The following EHBP1L1 variants were observed in gnomAD, a reference collection of about 807,000 sequenced individuals.
The protein encoded by EHBP1L1 is EH domain-binding protein 1-like protein 1.
EHBP1L1 carries 122 observed loss-of-function variants against 151.1 expected under a neutral mutation model. The observed-to-expected ratio is 0.81, with a 90% CI of 0.70 to 0.94. The LOEUF is 0.94. Among genes scored for constraint, EHBP1L1 ranks in the 40% least tolerant of loss-of-function variants. The probability of loss-of-function intolerance (pLI) is 0.00; values close to 1 mark genes in which losing one functional copy is unlikely to be tolerated. For synonymous variants in EHBP1L1, 878 were observed against 810.1 expected (o/e 1.08, Z -1.42); for missense variants, 1,941 against 1,959.8 (o/e 0.99, Z 0.18).
chr11:65,576,490 C>G (rs1306449907), intron 1 of EHBP1L1, 84 bp downstream of exon 1: 7 of 1,290,870 alleles, frequency 5.4e-6, no homozygotes, highest in African/African-American at 3.0e-5. Context: ...CTCTGCCCCC[C>G]CAGCCCAATG....
intron 12 of EHBP1L1, 118 bp from the exon 13 acceptor site, chr11:65,589,633 G>C: frequency 7.1e-7 from 1 of 1,414,280 alleles, no homozygotes. Context: ...AGGGGCAGGG[G>C]CGGGCAGGAG....
At chr11:65,579,201 T>C (rs1857469507) in intron 2 of EHBP1L1, 66 bp downstream of exon 2, 1 of 1,523,274 alleles carries the variant, frequency 6.6e-7, no homozygotes, top group Non-Finnish European at 8.9e-7. Context: ...TGATGGGGGC[T>C]GATGGGGGAG....
At chr11:65,584,153 C>A in intron 9 of EHBP1L1, 88 bp from the exon 10 acceptor site, 1 of 1,541,166 alleles carries the variant, frequency 6.5e-7, no homozygotes, top group South Asian at 1.2e-5. Context: ...AGAGATGGGG[C>A]TGTTGTGTGC....
rs761842924 is a variant in EHBP1L1, at chr11:65,585,084, C to T, written c.3426C>T (p.Thr1142=). ...TGTGCCAGATCCGCGCCTTCTGCAC[C>T]GGGCAGGAGCTGCAGCTGGTACAAC... ...TYLCQIRAFC[T]GQELQLVQLE... is the part of the protein sequence containing the mutation. The change falls in exon 12 of 19, where the codon ACC becomes ACT. Residue 1142 remains threonine (T), a synonymous_variant. Coordinates refer to ENST00000309295, the MANE Select transcript of EHBP1L1 (RefSeq NM_001099409.3). This position sits in a 1 kb window ranked among gnomAD's most constrained non-coding sequence, Gnocchi z 4.0. The T allele has an allele frequency of 4.6e-6, 7 of 1,535,650 alleles. No individual in the cohort carries two copies. Among genetic ancestry groups the T allele is most frequent in the African/African-American group, 2.8e-5 (2 of 72,056 alleles).
At position 65,585,689 on chromosome 11, in the gene EHBP1L1, A is replaced by C. The variant is rs1008941892; in HGVS notation, c.3933+98A>C. 2.0e-6 allele frequency: 3 copies of C among 1,490,568 alleles called. No individual in the cohort carries two copies. The allele number at this position is 1,490,568 out of a possible 1,614,324, so 92.3% of individuals were successfully genotyped here. A position where few individuals can be genotyped will look rare whatever the true frequency, so the allele number is the denominator to read the frequency against. ...AGCCCCCAAGGGGCCCCAAGGACAGAGCTGGCGCGAGGGTGACGGTTTCAG... is the reference window on the plus strand; with the variant it reads ...AGCCCCCAAGGGGCCCCAAGGACAGCGCTGGCGCGAGGGTGACGGTTTCAG... On this transcript the variant is annotated intron_variant, in intron 12 of 18. Coordinates refer to ENST00000309295, the MANE Select transcript of EHBP1L1 (RefSeq NM_001099409.3). The surrounding 1 kb of genome is among the most constrained non-coding windows in gnomAD (Gnocchi z 4.0).
intron 11 of EHBP1L1, 79 bp from the exon 12 acceptor site, chr11:65,584,880 C>T: frequency 1.3e-6 from 2 of 1,493,066 alleles, no homozygotes; most frequent in South Asian, 2.5e-5. Context: ...CGGGGACCCC[C>T]TCCGTGGGGC....
At position 65,581,792 on chromosome 11, in the gene EHBP1L1, CAG is replaced by C. The variant is rs1857624635; in HGVS notation, c.1124_1125del (p.Arg375ThrfsTer4). ...AGGTTCTGGAGACCCTTTTGGAAGG[CAG>C]AGACTCAAGGCTGAAGAGATGGACA... ...DKGSGDPFGR[Q>X]RLKAEEMDTE... On this transcript the variant is annotated frameshift_variant, in exon 9 of 19. Coordinates refer to ENST00000309295, the MANE Select transcript of EHBP1L1 (RefSeq NM_001099409.3). LOFTEE classifies it high-confidence loss of function. 6.2e-7 allele frequency: 1 copy of C among 1,613,298 alleles called. No individual in the cohort carries two copies. Among genetic ancestry groups the C allele is most frequent in the Non-Finnish European group, 8.5e-7 (1 of 1,179,646 alleles).
chr11:65,580,977 T>C, intron 6 of EHBP1L1, 81 bp from the exon 7 acceptor site: 1 of 1,521,032 alleles, frequency 6.6e-7, no homozygotes, highest in Non-Finnish European at 8.8e-7. Context: ...GGACCTGCAC[T>C]GTAGTTGGGG....
chr11:65,592,255 A>T lies in EHBP1L1; in HGVS notation c.4525A>T (p.Lys1509Ter), dbSNP rs2135343809. The T allele has an allele frequency of 6.5e-7, 1 of 1,533,152 alleles. No homozygotes were observed. The highest frequency in any genetic ancestry group is 1.4e-5 in the African/African-American group (1 of 72,986). 95.0% of individuals were successfully genotyped at this position (1,533,152 alleles called of 1,614,324 possible). Residue 1509 changes from lysine to a stop codon, truncating the protein, a stop_gained, in exon 19 of 19, where the codon AAG (lysine) becomes TAG (stop). Transcript: ENST00000309295. LOFTEE classifies it high-confidence loss of function. Reference sequence around the variant, plus strand: ...GCGCGGCCTGGAACAGCGGCGCCGCAAGCTGAGCCGGCAGTTGAGCCGGCG... The same window carrying T: ...GCGCGGCCTGGAACAGCGGCGCCGCTAGCTGAGCCGGCAGTTGAGCCGGCG... ...LERGLEQRRRKLSRQLSRRER... is the reference protein window; with the variant it reads ...LERGLEQRRR
intron 12 of EHBP1L1, among the ~76,000 whole-genome samples, chr11:65,587,201 C>T (rs1264848749): frequency 2.0e-5 from 3 of 152,134 alleles, no homozygotes; most frequent in East Asian, 3.8e-4. Context: ...GGTGAAACCC[C>T]GTCTCTAATA....
chr11:65,589,872 G>T, intron 13 of EHBP1L1, 52 bp downstream of exon 13: 1 of 1,539,320 alleles, frequency 6.5e-7, no homozygotes, highest in African/African-American at 1.4e-5. Context: ...ACAAAGCCTG[G>T]ACTGGGGACT....
chr11:65,579,280 A>G lies in EHBP1L1; in HGVS notation c.163-61A>G, dbSNP rs1047566185. On this transcript the variant is annotated intron_variant, in intron 2 of 18. Transcript: ENST00000309295. ...GGAAGATGGTGTCAAGGTTGGTGAT[A>G]GGGGGTGCAGGTGGGAGGGAAGAGT... 34 of 1,427,214 alleles carry G rather than the reference A, an allele frequency of 2.4e-5. No homozygotes were observed. In the East Asian group the frequency reaches 4.8e-4, roughly 20 times the overall value. The allele number at this position is 1,427,214 out of a possible 1,614,324, so 88.4% of individuals were successfully genotyped here. A position where few individuals can be genotyped will look rare whatever the true frequency, so the allele number is the denominator to read the frequency against.
At chr11:65,580,595 C>A (rs1313456246) in intron 6 of EHBP1L1, 116 bp downstream of exon 6, 3 of 1,350,256 alleles carry the variant, frequency 2.2e-6, no homozygotes, top group Admixed American at 2.3e-5. Context: ...ACTGCCCAGG[C>A]AGTCCCAACC....
intron 16 of EHBP1L1, 129 bp from the exon 17 acceptor site, chr11:65,591,671 C>G: frequency 1.3e-6 from 1 of 757,940 alleles, no homozygotes; most frequent in South Asian, 1.5e-5. Context: ...CTGCGGTCAG[C>G]CCTGCCCTCG....
At chr11:65,579,031 G>T in intron 1 of EHBP1L1, 47 bp from the exon 2 acceptor site, 1 of 1,541,376 alleles carries the variant, frequency 6.5e-7, no homozygotes, top group South Asian at 1.2e-5. Flanking sequence ...AGGTGAGCCT[G>T]ACCAAGCAGC....
chr11:65,585,718 G>T lies in EHBP1L1; in HGVS notation c.3933+127G>T, dbSNP rs541033982. Reference sequence around the variant, plus strand: ...GGCGCGAGGGTGACGGTTTCAGAGTGGCGGGGCTCGGCTGGACCCAGGAGG... The same window carrying T: ...GGCGCGAGGGTGACGGTTTCAGAGTTGCGGGGCTCGGCTGGACCCAGGAGG... On this transcript the variant is annotated intron_variant, in intron 12 of 18. Transcript: ENST00000309295. This position sits in a 1 kb window ranked among gnomAD's most constrained non-coding sequence, Gnocchi z 4.0. 1 of 1,421,728 alleles carries T rather than the reference G, an allele frequency of 7.0e-7. No homozygotes were observed. The highest frequency in any genetic ancestry group is 2.4e-5 in the Admixed American group (1 of 42,332). 88.1% of individuals were successfully genotyped at this position (1,421,728 alleles called of 1,614,324 possible).
In EHBP1L1 at chr11:65,579,359, G is replaced by C; in HGVS notation, c.181G>C (p.Gly61Arg). 6.4e-7 allele frequency: 1 copy of C among 1,569,120 alleles called. No homozygotes were observed. Among genetic ancestry groups the C allele is most frequent in the African/African-American group, 1.3e-5 (1 of 74,216 alleles). Residue 61 changes from glycine to arginine, a missense_variant, in exon 3 of 19, where the codon GGC (glycine) becomes CGC (arginine). Coordinates refer to ENST00000309295, the MANE Select transcript of EHBP1L1 (RefSeq NM_001099409.3). Reference sequence around the variant, plus strand: ...CTTGTAGGCCCACAGCTGGCAGCCGGGCATCCAGAACCCATACCGGGGCAC... The same window carrying C: ...CTTGTAGGCCCACAGCTGGCAGCCGCGCATCCAGAACCCATACCGGGGCAC... ...ICSKAHSWQPGIQNPYRGTVV... is the reference protein window; with the variant it reads ...ICSKAHSWQPRIQNPYRGTVV...
chr11:65,591,575 G>T (rs1251450145), intron 16 of EHBP1L1: 2 of 608,682 alleles, frequency 3.3e-6, no homozygotes, highest in South Asian at 1.9e-5. Flanking sequence ...CTTCTGGGGG[G>T]TGTGTGGGAG....
chr11:65,590,073 T>C lies in EHBP1L1; in HGVS notation c.4060-14T>C. The C allele has an allele frequency of 6.2e-7, 1 of 1,613,506 alleles. No individual in the cohort carries two copies. Among genetic ancestry groups the C allele is most frequent in the Non-Finnish European group, 8.5e-7 (1 of 1,179,668 alleles). ...GGCTGAGTCCACCCTGTTCTCTGCC[T>C]TTTCCACCCCCAGCAACGGTTCCAG... On this transcript the variant is annotated splice_polypyrimidine_tract_variant and intron_variant, in intron 14 of 18. Coordinates refer to ENST00000309295, the MANE Select transcript of EHBP1L1 (RefSeq NM_001099409.3).
Sources: gnomAD v4.1 joint callset for allele counts (sites outside exome capture counted in the v4.1 genomes callset) on GRCh38, gnomAD v4.1.1 for gene constraint, Gnocchi (gnomAD v3.1) non-coding constraint, MANE v1.5 for transcripts, NCBI Gene and HGNC (gene_info 2026-07-23, HGNC 2026-07-21) for gene names.